RPAIN: variants seen among roughly 807,000 people sequenced by gnomAD.
RPAIN encodes the protein RPA interacting protein.
A neutral mutation model predicts 30.5 loss-of-function variants in RPAIN; 29 were observed. That is an observed-to-expected ratio of 0.95 (90% CI 0.71 to 1.30). The LOEUF is 1.30. RPAIN is among the 50% of genes most tolerant of loss of function. RPAIN has a pLI of 0.00. For synonymous variants in RPAIN, 101 were observed against 93.5 expected (o/e 1.08, Z -0.46); for missense variants, 247 against 264.7 (o/e 0.93, Z 0.46).
chr17:5,424,548 T>A (rs1915197689), intron 3 of RPAIN, among the ~76,000 whole-genome samples: 1 of 152,230 alleles, frequency 6.6e-6, no homozygotes, highest in African/African-American at 2.4e-5. Context: ...GAGCTTTCAA[T>A]AATCAACAGC....
At position 5,428,156 on chromosome 17, in the gene RPAIN, AATT is replaced by A; in HGVS notation, c.576_578del (p.Glu192_Phe193delinsAsp). On this transcript the variant is annotated inframe_deletion, in exon 6 of 7. Coordinates refer to ENST00000381209, the MANE Select transcript of RPAIN (RefSeq NM_001033002.4). Reference sequence around the variant, plus strand: ...AGTGCACATTGTCCCCACACACCTGAATTTTCAGTCACTGGAGGAACAGAAGAA... The same window carrying A: ...AGTGCACATTGTCCCCACACACCTGATTCAGTCACTGGAGGAACAGAAGAA... 1 of 1,614,150 alleles carries A rather than the reference AATT, an allele frequency of 6.2e-7. No individual in the cohort carries two copies. Among genetic ancestry groups the A allele is most frequent in the Non-Finnish European group, 8.5e-7 (1 of 1,180,004 alleles).
chr17:5,429,805 T>C, intron 6 of RPAIN: 1 of 967,234 alleles, frequency 1.0e-6, no homozygotes, highest in South Asian at 4.8e-5. Flanking sequence ...TTAAGGATCA[T>C]TTGCACAAAT....
chr17:5,420,298 A>G lies in RPAIN; in HGVS notation c.81+7A>G, dbSNP rs765198198. 3.7e-6 allele frequency: 6 copies of G among 1,612,370 alleles called. No homozygotes were observed. Among genetic ancestry groups the G allele is most frequent in the Non-Finnish European group, 5.1e-6 (6 of 1,179,286 alleles). ...GAAAGAGGCTTTCCGGCAGGTGGGT[A>G]TGGGGTTTGTGCAGTGGTCTACCCT... On this transcript the variant is annotated splice_region_variant and intron_variant, in intron 1 of 6. Coordinates refer to ENST00000381209, the MANE Select transcript of RPAIN (RefSeq NM_001033002.4).
chr17:5,430,475 G>C (rs1045363878), intron 6 of RPAIN: 2 of 152,964 alleles, frequency 1.3e-5, no homozygotes, highest in Admixed American at 6.6e-5. Context: ...CTCAAAAAAA[G>C]CAAAACAAAC....
At chr17:5,425,339 C>CA (rs1915273093) in intron 3 of RPAIN, 1 of 312,562 alleles carries the variant, frequency 3.2e-6, no homozygotes, top group Non-Finnish European at 6.5e-6. Context: ...TCAGTTCTCT[C>CA]TTTTTTTTTT....
At chr17:5,428,851 G>C (rs1915653284) in intron 6 of RPAIN, 1 of 986,948 alleles carries the variant, frequency 1.0e-6, no homozygotes, top group Non-Finnish European at 1.2e-6. Flanking sequence ...ATCCCAGGCA[G>C]GGGGAGCCTT....
chr17:5,424,490 G>T (rs1915192074), intron 3 of RPAIN, among the ~76,000 whole-genome samples: 2 of 152,064 alleles, frequency 1.3e-5, no homozygotes. Context: ...TTGTTGTAAG[G>T]CTTAAATAAC....
At position 5,425,330 on chromosome 17, in the gene RPAIN, C is replaced by T. The variant is rs115245726; in HGVS notation, c.314-641C>T. The T allele has an allele frequency of 1.5e-3, 704 of 454,858 alleles. 4 individuals carry two copies. Among genetic ancestry groups the T allele is most frequent in the African/African-American group, 0.013 (652 of 49,898 alleles). The allele number at this position is 454,858 out of a possible 1,614,324, so 28.2% of individuals were successfully genotyped here. ...GCAGGGTCGTCCTGGCATCAGAAAT[C>T]AGTTCTCTCTTTTTTTTTTTTTTGA... On this transcript the variant is annotated intron_variant, in intron 3 of 6. Transcript: ENST00000381209.
Position 5,425,833 on chromosome 17 carries a change from AT to A in RPAIN, c.314-137del, listed in dbSNP as rs1232740946. The A allele has an allele frequency of 6.5e-6, 4 of 617,394 alleles. No homozygotes were observed. In the Admixed American group the frequency reaches 8.4e-5, roughly 13 times the overall value. The allele number at this position is 617,394 out of a possible 1,614,324, so 38.2% of individuals were successfully genotyped here. A position where few individuals can be genotyped will look rare whatever the true frequency, so the allele number is the denominator to read the frequency against. Reference sequence around the variant, plus strand: ...CAAGATGAAGCCAGCCTGAGAGAGCATAAAAACCAGTCATTGGTATTGTGGT... The same window carrying A: ...CAAGATGAAGCCAGCCTGAGAGAGCAAAAAACCAGTCATTGGTATTGTGGT... On this transcript the variant is annotated intron_variant, in intron 3 of 6. Transcript: ENST00000381209.
At chr17:5,432,415 A>C (rs1358685190) in intron 6 of RPAIN, 127 bp from the exon 7 acceptor site, 1 of 853,258 alleles carries the variant, frequency 1.2e-6, no homozygotes, top group Non-Finnish European at 2.0e-6. Context: ...TACACTACTG[A>C]ACTAATTGAA....
chr17:5,420,233 C>T lies in RPAIN; in HGVS notation c.23C>T (p.Pro8Leu), dbSNP rs768425424. The T allele has an allele frequency of 1.9e-6, 3 of 1,613,788 alleles. No homozygotes were observed. Among genetic ancestry groups the T allele is most frequent in the Non-Finnish European group, 2.5e-6 (3 of 1,179,998 alleles). Residue 8 changes from proline to leucine, a missense_variant, in exon 1 of 7, where the codon CCG (proline) becomes CTG (leucine). Transcript: ENST00000381209. MAESLRS[P>L]RRSLYKLVGS... ...GAGATGGCGGAGTCGTTGAGGTCTC[C>T]GCGCCGCTCCCTGTACAAACTGGTG...
intron 2 of RPAIN, 66 bp downstream of exon 2, chr17:5,421,532 T>G (rs1452450786): frequency 6.8e-7 from 1 of 1,475,802 alleles, no homozygotes; most frequent in Non-Finnish European, 9.3e-7. Context: ...GTGTCCTCTT[T>G]TATTTGTTTA....
At chr17:5,432,033 G>C (rs1916016710) in intron 6 of RPAIN, 1 of 230,922 alleles carries the variant, frequency 4.3e-6, no homozygotes, top group Admixed American at 5.2e-5. Flanking sequence ...TAGCATAGTG[G>C]AGAGGCTGAG....
intron 6 of RPAIN, chr17:5,428,685 G>A: frequency 1.1e-6 from 1 of 910,496 alleles, no homozygotes; most frequent in South Asian, 3.2e-5. Context: ...ACACAAGTGG[G>A]TAAGGGAACC....
intron 6 of RPAIN, chr17:5,430,392 A>G (rs1915789796): frequency 6.6e-6 from 1 of 152,298 alleles, no homozygotes; most frequent in Non-Finnish European, 1.5e-5. Flanking sequence ...ACTTGAACCC[A>G]GGAAGCGGAG....
chr17:5,421,135 G>T (rs1256121738), intron 1 of RPAIN, among the ~76,000 whole-genome samples, 161 bp from the exon 2 acceptor site: 1 of 152,216 alleles, frequency 6.6e-6, no homozygotes, highest in African/African-American at 2.4e-5. Flanking sequence ...GTAATTTTAT[G>T]TATCTCTACA....
In RPAIN at chr17:5,432,663, A is replaced by AT. The variant is rs1480493556; in HGVS notation, c.*96dup. On this transcript the variant is annotated 3_prime_UTR_variant, in exon 7 of 7. Transcript: ENST00000381209. ...CATACAAGCCTTTTATTTATAACTTATTTTGTATTGAAACTTTTAAACAAT... is the reference window on the plus strand; with the variant it reads ...CATACAAGCCTTTTATTTATAACTTATTTTTGTATTGAAACTTTTAAACAAT... 4 of 1,243,900 alleles carry AT rather than the reference A, an allele frequency of 3.2e-6. No homozygotes were observed. Among genetic ancestry groups the AT allele is most frequent in the Non-Finnish European group, 3.5e-6 (3 of 866,102 alleles). The allele number at this position is 1,243,900 out of a possible 1,614,324, so 77.1% of individuals were successfully genotyped here.
chr17:5,423,573 G>A (rs1015429479), intron 3 of RPAIN, among the ~76,000 whole-genome samples: 1 of 152,118 alleles, frequency 6.6e-6, no homozygotes, highest in African/African-American at 2.4e-5. Flanking sequence ...TACAGTGATA[G>A]TGCATGGTCT....
At chr17:5,430,247 C>G (rs1915776285) in intron 6 of RPAIN, 1 of 152,008 alleles carries the variant, frequency 6.6e-6, no homozygotes, top group African/African-American at 2.4e-5. Context: ...GTCGGATCAT[C>G]TGAGGTCAGG....
Sources: allele counts gnomAD v4.1 joint callset (sites outside exome capture counted in the v4.1 genomes callset), GRCh38; gene constraint gnomAD v4.1.1; transcripts MANE v1.5; gene names NCBI Gene and HGNC (gene_info 2026-07-23, HGNC 2026-07-21).